The following HUS1B variants were observed in gnomAD, a reference collection of about 807,000 sequenced individuals.
HUS1B encodes the protein HUS1 checkpoint clamp component B.
For missense variants in HUS1B, 475 were observed against 390.4 expected, an observed-to-expected ratio of 1.22 and a Z score of -1.83; for synonymous variants, 207 against 176.2, an observed-to-expected ratio of 1.17 and a Z score of -1.38.
At chr6:656,876 GACGGTGCCGCTGACGTGAATGAACA>G in the HUS1B span, 1 of 1,604,978 alleles carries the variant, frequency 6.2e-7, no homozygotes, top group Non-Finnish European at 8.5e-7. Flanking sequence ...CTAGCCTCGC[GACGGTGCCGCTGACGTGAATGAACA>G]GCTCTAGACA....
At position 656,416 on chromosome 6, in the gene HUS1B, T is replaced by C. The variant is rs150422154; in HGVS notation, c.529A>G (p.Ser177Gly). Residue 177 changes from serine to glycine, a missense_variant, in exon 1 of 1, where the codon AGT becomes GGT. Transcript: ENST00000380907. Reference sequence around the variant, plus strand: ...AGGTTTGCTTCCACCAGCACGTGACTGCCCACGTTCGCCATCCTCTCCACG... The same window carrying C: ...AGGTTTGCTTCCACCAGCACGTGACCGCCCACGTTCGCCATCCTCTCCACG... ...SIVERMANVG[S>G]HVLVEANLSG... 1.2e-3 allele frequency: 1,988 copies of C among 1,614,050 alleles called. 23 individuals are homozygous for C. In the African/African-American group the frequency reaches 0.024, roughly 19 times the overall value.
rs540424207 is a variant in HUS1B, at chr6:657,012, G to A, written c.-68C>T. 1.5e-6 allele frequency: 2 copies of A among 1,320,258 alleles called. No individual in the cohort carries two copies. Among genetic ancestry groups the A allele is most frequent in the East Asian group, 2.6e-5 (1 of 37,820 alleles). The allele number at this position is 1,320,258 out of a possible 1,614,324, so 81.8% of individuals were successfully genotyped here. A position where few individuals can be genotyped will look rare whatever the true frequency, so the allele number is the denominator to read the frequency against. On this transcript the variant is annotated 5_prime_UTR_variant, in exon 1 of 1. Transcript: ENST00000380907. ...CGCGTGCCACAAGCCCTTCCGGTCC[G>A]CTGGGGTCCGTGGCGCTGCCCTCCC...
In HUS1B at chr6:657,031, C is replaced by A; in HGVS notation, c.-87G>T. 9.2e-7 allele frequency: 1 copy of A among 1,083,784 alleles called. No homozygotes were observed. Among genetic ancestry groups the A allele is most frequent in the Non-Finnish European group, 1.3e-6 (1 of 776,526 alleles). 67.1% of individuals were successfully genotyped at this position (1,083,784 alleles called of 1,614,324 possible). ...CGGTCCGCTGGGGTCCGTGGCGCTG[C>A]CCTCCCCGCCCTCCCTCCGGCCCCC... On this transcript the variant is annotated 5_prime_UTR_variant, in exon 1 of 1. Transcript: ENST00000380907.
rs147083849 is a variant in HUS1B at position 656,898 on chromosome 6, A to C, written c.47T>G (p.Phe16Cys). The change falls in exon 1 of 1, where the codon TTC (phenylalanine) becomes TGC (cysteine). Residue 16 changes from phenylalanine (F) to cysteine (C), a missense_variant. By Grantham distance (205) the Phe-to-Cys change is radical. Transcript: ENST00000380907. ...CGCGACGGTGCCGCTGACGTGAATG[A>C]ACAGCTCTAGACAGCCTTTGCCGGT... ...KITGKGCLEL[F>C]IHVSGTVARL... The C allele has an allele frequency of 2.9e-5, 46 of 1,593,896 alleles. 1 individual carries two copies. In the Middle Eastern group the frequency reaches 5.0e-4, roughly 17 times the overall value.
rs187872018 is a variant in HUS1B, at chr6:656,486, G to A, written c.459C>T (p.Ser153=). ...RDCLPPSLRA[S]DASIRLPRWR... ...AGCGCGGCAGGCGGATGCTCGCGTC[G>A]GAGGCGCGCAGGCTGGGCGGCAGGC... is the stretch of plus-strand genomic sequence containing the variant. The change falls in exon 1 of 1, where the codon TCC becomes TCT. Residue 153 remains serine (S), a synonymous_variant. Coordinates refer to ENST00000380907, the MANE Select transcript of HUS1B (RefSeq NM_148959.4). 820 of 1,609,294 alleles carry A rather than the reference G, an allele frequency of 5.1e-4. 3 individuals are homozygous for A. In the East Asian group the frequency reaches 0.014, roughly 28 times the overall value.
chr6:656,266 C>T lies in HUS1B; in HGVS notation c.679G>A (p.Val227Met). The T allele has an allele frequency of 1.9e-6, 3 of 1,614,226 alleles. No individual in the cohort carries two copies. The highest frequency in any genetic ancestry group is 1.3e-5 in the African/African-American group (1 of 75,064). The change falls in exon 1 of 1, where the codon GTG becomes ATG. Residue 227 changes from valine (V) to methionine (M), a missense_variant. Val to Met is a conservative substitution (Grantham distance 21). Transcript: ENST00000380907. The stretch of plus-strand genomic sequence containing the variant: ...TTCCGATTGTCCACCCGCACTTGCA[C>T]CATGCTCTCCAGGTCTCTGTTTTCA... ...VPENRDLESM[V>M]QVRVDNRKLL...
chr6:656,025 A>G lies in HUS1B; in HGVS notation c.*83T>C. The G allele has an allele frequency of 4.6e-6, 5 of 1,078,150 alleles. No individual in the cohort carries two copies. The highest frequency in any genetic ancestry group is 1.5e-5 in the South Asian group (1 of 66,060). The allele number at this position is 1,078,150 out of a possible 1,614,324, so 66.8% of individuals were successfully genotyped here. On this transcript the variant is annotated 3_prime_UTR_variant, in exon 1 of 1. Coordinates refer to ENST00000380907, the MANE Select transcript of HUS1B (RefSeq NM_148959.4). ...CCTGCATAAGTCAGTGAAGGTCCAA[A>G]TTTTCAACCCAATTAACTCAGGGTC...
chr6:656,189 G>A lies in HUS1B; in HGVS notation c.756C>T (p.Cys252=). ...GQQIHPTTAL[C]NIWDNTLLQL... ...GAAGAAGAGTATTGTCCCAAATATTGCACAGGGCCGTCGTAGGATGTATTT... is the reference window on the plus strand; with the variant it reads ...GAAGAAGAGTATTGTCCCAAATATTACACAGGGCCGTCGTAGGATGTATTT... The change falls in exon 1 of 1, where the codon TGC becomes TGT. Residue 252 remains cysteine (C), a synonymous_variant. Coordinates refer to ENST00000380907, the MANE Select transcript of HUS1B (RefSeq NM_148959.4). 6.2e-7 allele frequency: 1 copy of A among 1,614,152 alleles called. No individual in the cohort carries two copies. Among genetic ancestry groups the A allele is most frequent in the Non-Finnish European group, 8.5e-7 (1 of 1,179,996 alleles).
Position 656,497 on chromosome 6 carries a change from G to C in HUS1B, c.448C>G (p.Leu150Val), listed in dbSNP as rs1412043926. 2 of 1,607,146 alleles carry C rather than the reference G, an allele frequency of 1.2e-6. No individual in the cohort carries two copies. Among genetic ancestry groups the C allele is most frequent in the Admixed American group, 3.3e-5 (2 of 59,916 alleles). Residue 150 changes from leucine to valine, a missense_variant, in exon 1 of 1, where the codon CTG (leucine) becomes GTG (valine). Coordinates refer to ENST00000380907, the MANE Select transcript of HUS1B (RefSeq NM_148959.4). The part of the protein sequence containing the change: ...RVWRDCLPPS[L>V]RASDASIRLP... ...CGGATGCTCGCGTCGGAGGCGCGCA[G>C]GCTGGGCGGCAGGCAGTCCCGCCAC... is the stretch of plus-strand genomic sequence containing the variant.
Position 656,587 on chromosome 6 carries a change from A to G in HUS1B, c.358T>C (p.Ser120Pro). ...PSLTVAVELV[S>P]SLGRARSVVH... Reference sequence around the variant, plus strand: ...ACGCTGCGAGCGCGGCCCAGGGACGAGACCAGCTCCACCGCCACCGTGAGG... The same window carrying G: ...ACGCTGCGAGCGCGGCCCAGGGACGGGACCAGCTCCACCGCCACCGTGAGG... The change falls in exon 1 of 1, where the codon TCG becomes CCG. Residue 120 changes from serine to proline, a missense_variant. Transcript: ENST00000380907. 1 of 1,593,724 alleles carries G rather than the reference A, an allele frequency of 6.3e-7. No individual in the cohort carries two copies. Among genetic ancestry groups the G allele is most frequent in the Non-Finnish European group, 8.5e-7 (1 of 1,170,440 alleles).
Position 656,480 on chromosome 6 carries a change from C to G in HUS1B, c.465G>C (p.Ala155=). 1 of 1,610,422 alleles carries G rather than the reference C, an allele frequency of 6.2e-7. No homozygotes were observed. Among genetic ancestry groups the G allele is most frequent in the Middle Eastern group, 1.7e-4 (1 of 6,058 alleles). The change falls in exon 1 of 1, where the codon GCG becomes GCC. Residue 155 remains alanine (A), a synonymous_variant. Transcript: ENST00000380907. The part of the protein sequence containing the change: ...CLPPSLRASD[A]SIRLPRWRTL... ...TCCTCCAGCGCGGCAGGCGGATGCTCGCGTCGGAGGCGCGCAGGCTGGGCG... is the reference window on the plus strand; with the variant it reads ...TCCTCCAGCGCGGCAGGCGGATGCTGGCGTCGGAGGCGCGCAGGCTGGGCG...
In HUS1B at chr6:656,646, A is replaced by T. The variant is rs769115820; in HGVS notation, c.299T>A (p.Leu100Gln). The T allele has an allele frequency of 6.2e-7, 1 of 1,607,250 alleles. No homozygotes were observed. Among genetic ancestry groups the T allele is most frequent in the South Asian group, 1.1e-5 (1 of 90,340 alleles). ...AARSAAGASS[L>Q]KLQLTHKRRP... ...GCGCTTGTGGGTCAGCTGCAGCTTC[A>T]GGGAGGACGCGCCCGCTGCGCTTCT... Residue 100 changes from leucine (L) to glutamine (Q), a missense_variant, in exon 1 of 1, where the codon CTG (leucine) becomes CAG (glutamine). By Grantham distance (113) the Leu-to-Gln change is moderately radical. Transcript: ENST00000380907.
Position 656,046 on chromosome 6 carries a change from G to A in HUS1B, c.*62C>T, listed in dbSNP as rs1246380546. On this transcript the variant is annotated 3_prime_UTR_variant, in exon 1 of 1. Transcript: ENST00000380907. Reference sequence around the variant, plus strand: ...CCAAATTTTCAACCCAATTAACTCAGGGTCTGTTTTAGTTTTGAAAAGATC... The same window carrying A: ...CCAAATTTTCAACCCAATTAACTCAAGGTCTGTTTTAGTTTTGAAAAGATC... 8.1e-7 allele frequency: 1 copy of A among 1,233,130 alleles called. No individual in the cohort carries two copies. Among genetic ancestry groups the A allele is most frequent in the South Asian group, 1.4e-5 (1 of 72,368 alleles). The allele number at this position is 1,233,130 out of a possible 1,614,324, so 76.4% of individuals were successfully genotyped here. A position where few individuals can be genotyped will look rare whatever the true frequency, so the allele number is the denominator to read the frequency against.
In HUS1B at chr6:656,847, C is replaced by T. The variant is rs372072865; in HGVS notation, c.98G>A (p.Arg33His). 8.1e-5 allele frequency: 130 copies of T among 1,610,686 alleles called. No individual in the cohort carries two copies. Among genetic ancestry groups the T allele is most frequent in the Non-Finnish European group, 1.1e-4 (124 of 1,178,056 alleles). The change falls in exon 1 of 1, where the codon CGC (arginine) becomes CAC (histidine). Residue 33 changes from arginine (R) to histidine (H), a missense_variant. Transcript: ENST00000380907. ...VARLAKVCVL[R>H]VRPDSLCFGP... Reference sequence around the variant, plus strand: ...GAAGCACAGGCTGTCAGGGCGCACGCGGAGCACGCAGACCTTCGCTAGCCT... The same window carrying T: ...GAAGCACAGGCTGTCAGGGCGCACGTGGAGCACGCAGACCTTCGCTAGCCT...
rs997833807 is a variant in HUS1B at position 657,092 on chromosome 6, G to A, written c.-148C>T. On this transcript the variant is annotated 5_prime_UTR_variant, in exon 1 of 1. Transcript: ENST00000380907. ...GGCACTCGGGTTCCCGGTTGCGGTTGCGGGTTCTGTTGTGGGTTCCGCAGC... is the reference window on the plus strand; with the variant it reads ...GGCACTCGGGTTCCCGGTTGCGGTTACGGGTTCTGTTGTGGGTTCCGCAGC... 1.1e-5 allele frequency: 7 copies of A among 631,224 alleles called. No individual in the cohort carries two copies. Among genetic ancestry groups the A allele is most frequent in the African/African-American group, 9.6e-5 (5 of 51,936 alleles). The allele number at this position is 631,224 out of a possible 1,614,324, so 39.1% of individuals were successfully genotyped here.
Position 656,276 on chromosome 6 carries a change from C to G in HUS1B, c.669G>C (p.Leu223=). The change falls in exon 1 of 1, where the codon CTG becomes CTC. Residue 223 remains leucine (L), a synonymous_variant. Transcript: ENST00000380907. ...SAVGVPENRD[L]ESMVQVRVDN... is the part of the protein sequence containing the mutation. ...CCACCCGCACTTGCACCATGCTCTC[C>G]AGGTCTCTGTTTTCAGGCACACCCA... The G allele has an allele frequency of 1.9e-6, 3 of 1,614,220 alleles. No individual in the cohort carries two copies. Among genetic ancestry groups the G allele is most frequent in the Non-Finnish European group, 1.7e-6 (2 of 1,180,038 alleles).
rs139606835 is a variant in HUS1B, at chr6:656,718, T to C, written c.227A>G (p.Asp76Gly). ...FRMEGVSEDL[D>G]EIHLELTAEH... ...CGCCGTCAGCTCCAGGTGGATCTCA[T>C]CGAGATCTTCCGAGACACCTTCCAT... Residue 76 changes from aspartate (D) to glycine (G), a missense_variant, in exon 1 of 1, where the codon GAT (aspartate) becomes GGT (glycine). Physicochemically the swap from Asp to Gly is moderately conservative, Grantham distance 94. Transcript: ENST00000380907. 7.0e-5 allele frequency: 112 copies of C among 1,598,964 alleles called. No homozygotes were observed. In the African/African-American group the frequency reaches 1.3e-3, roughly 19 times the overall value.
chr6:656,133 A>C lies in HUS1B; in HGVS notation c.812T>G (p.Leu271Arg). ...QLVLVQEDVS[L>R]QYFIPAL Reference sequence around the variant, plus strand: ...TTACAAGGCAGGAATGAAATACTGAAGAGAGACATCTTCTTGAACCAAAAC... The same window carrying C: ...TTACAAGGCAGGAATGAAATACTGACGAGAGACATCTTCTTGAACCAAAAC... Residue 271 changes from leucine to arginine, a missense_variant, in exon 1 of 1, where the codon CTT becomes CGT. Leu to Arg is a moderately radical substitution (Grantham distance 102, BLOSUM62 -2). Transcript: ENST00000380907. 6.2e-7 allele frequency: 1 copy of C among 1,612,174 alleles called. No homozygotes were observed. Among genetic ancestry groups the C allele is most frequent in the South Asian group, 1.1e-5 (1 of 91,048 alleles).
chr6:656,922 G>A lies in HUS1B; in HGVS notation c.23C>T (p.Thr8Ile), dbSNP rs770495251. 10 of 1,533,458 alleles carry A rather than the reference G, an allele frequency of 6.5e-6. No individual in the cohort carries two copies. The South Asian group carries it at 8.8e-5, about 13-fold the overall frequency. 95.0% of individuals were successfully genotyped at this position (1,533,458 alleles called of 1,614,324 possible). Residue 8 changes from threonine to isoleucine, a missense_variant, in exon 1 of 1, where the codon ACC becomes ATC. Physicochemically the swap from Thr to Ile is moderately conservative, Grantham distance 89. Transcript: ENST00000380907. ...GAACAGCTCTAGACAGCCTTTGCCGGTGATCTTGGCGCGAAACTTCATGAT... is the reference window on the plus strand; with the variant it reads ...GAACAGCTCTAGACAGCCTTTGCCGATGATCTTGGCGCGAAACTTCATGAT... MKFRAKI[T>I]GKGCLELFIH...
Sources: gnomAD v4.1 joint callset for allele counts on GRCh38, gnomAD v4.1.1 for gene constraint, MANE v1.5 for transcripts, NCBI Gene and HGNC (gene_info 2026-07-23, HGNC 2026-07-21) for gene names.